The following NR4A1 variants were observed in gnomAD, a reference collection of about 807,000 sequenced individuals.
NR4A1 encodes the protein nuclear receptor subfamily 4immunitygroup A member 1.
NR4A1 carries 24 observed loss-of-function variants against 47.5 expected under a neutral mutation model. The observed-to-expected ratio is 0.50, with a 90% CI of 0.37 to 0.71. NR4A1 has a LOEUF of 0.71. Ranked by LOEUF, NR4A1 falls within the 30% of genes least tolerant of loss-of-function variation. The pLI is 0.00. For missense variants in NR4A1, 669 were observed against 788.6 expected, an observed-to-expected ratio of 0.85 and a Z score of 1.82; for synonymous variants, 353 against 345.7, an observed-to-expected ratio of 1.02 and a Z score of -0.24.
rs368219514 is a variant in NR4A1 at position 52,057,243 on chromosome 12, C to T, written c.1345C>T (p.Leu449Phe). ...GTCGGCCTTCCTGGAGCTCTTCATCCTCCGCCTGGCGTACAGGTGAGAGCC... is the reference window on the plus strand; with the variant it reads ...GTCGGCCTTCCTGGAGCTCTTCATCTTCCGCCTGGCGTACAGGTGAGAGCC... ...LESAFLELFI[L>F]RLAYRSKPGE... The change falls in exon 5 of 7, where the codon CTC (leucine) becomes TTC (phenylalanine). Residue 449 changes from leucine (L) to phenylalanine (F), a missense_variant. Physicochemically the swap from Leu to Phe is conservative, Grantham distance 22 (BLOSUM62 0). Transcript: ENST00000394825. 8 of 1,613,684 alleles carry T rather than the reference C, an allele frequency of 5.0e-6. No homozygotes were observed. The African/African-American group carries it at 6.7e-5, about 13-fold the overall frequency.
chr12:52,039,551 G>C (rs895599507), intron 1 of NR4A1, among the ~76,000 whole-genome samples: 1 of 152,222 alleles, frequency 6.6e-6, no homozygotes, highest in Non-Finnish European at 1.5e-5. Flanking sequence ...GACAGCTCCT[G>C]AGCTGGAATG....
chr12:52,039,203 G>A (rs1241354966), intron 1 of NR4A1, among the ~76,000 whole-genome samples: 1 of 152,194 alleles, frequency 6.6e-6, no homozygotes, highest in African/African-American at 2.4e-5. Context: ...TAATGTATCT[G>A]GCACATGTTG....
intron 1 of NR4A1, among the ~76,000 whole-genome samples, chr12:52,026,609 T>C (rs926940158): frequency 2.0e-5 from 3 of 152,212 alleles, no homozygotes; most frequent in African/African-American, 4.8e-5. Context: ...CAAGGCCACA[T>C]AGATAGACAG....
chr12:52,046,235 C>T (rs971140005), intron 2 of NR4A1, among the ~76,000 whole-genome samples: 49 of 152,216 alleles, frequency 3.2e-4, no homozygotes, highest in Admixed American at 2.7e-3. Flanking sequence ...CACCCCTACC[C>T]TCTGGGCTGG....
rs115565314 is a variant in NR4A1, at chr12:52,042,455, C to T, written c.37+526C>T. On this transcript the variant is annotated intron_variant, in intron 2 of 7. Transcript: ENST00000360284. The stretch of plus-strand genomic sequence containing the variant: ...AGAGGGCCTATGGAGTCTGTGGTGT[C>T]GGGGGTGGCCTCTGTGAATGGGAAG... 7.4e-3 allele frequency among the ~76,000 whole-genome samples: 1,123 copies of T among 152,186 alleles called. 21 individuals carry two copies. Among genetic ancestry groups the T allele is most frequent in the African/African-American group, 0.026 (1,069 of 41,526 alleles).
rs1236585728 is a variant in NR4A1, at chr12:52,052,752, G to T, written c.-3+1184G>T. On this transcript the variant is annotated intron_variant, in intron 1 of 6. Transcript: ENST00000394825. The stretch of plus-strand genomic sequence containing the variant: ...GGTGGAGAAACAGGATTTGAATAAG[G>T]CAGGAACAAGCGCCCAGTTCTGCCC... 3 of 756,892 alleles carry T rather than the reference G, an allele frequency of 4.0e-6. No individual in the cohort carries two copies. The East Asian group carries it at 3.9e-4, about 98-fold the overall frequency. The allele number at this position is 756,892 out of a possible 1,614,324, so 46.9% of individuals were successfully genotyped here. A position where few individuals can be genotyped will look rare whatever the true frequency, so the allele number is the denominator to read the frequency against.
intron 2 of NR4A1, 171 bp from the exon 3 acceptor site, chr12:52,055,859 C>T: frequency 2.1e-6 from 1 of 469,330 alleles, no homozygotes. Context: ...TTCTCTCCCC[C>T]CGCCCAACCC....
intron 1 of NR4A1, among the ~76,000 whole-genome samples, chr12:52,030,648 C>T (rs1375481088): frequency 6.6e-6 from 1 of 152,168 alleles, no homozygotes; most frequent in Non-Finnish European, 1.5e-5. Context: ...AGTCTGGTCT[C>T]GAACTCCTGA....
intron 1 of NR4A1, among the ~76,000 whole-genome samples, chr12:52,032,893 C>T (rs1390985525): frequency 6.6e-6 from 1 of 152,144 alleles, no homozygotes. Context: ...GGCGAGCCCC[C>T]AAACCAGCAC....
At chr12:52,046,553 A>G (rs1017914171), upstream of NR4A1, among the ~76,000 whole-genome samples, 2 of 152,244 alleles carry the variant, frequency 1.3e-5, no homozygotes, top group African/African-American at 2.4e-5. Context: ...ATCTGTTGAT[A>G]GAACAAATAC....
At chr12:52,024,599 C>T (rs575726054) in intron 1 of NR4A1, among the ~76,000 whole-genome samples, 3 of 152,170 alleles carry the variant, frequency 2.0e-5, no homozygotes, top group African/African-American at 7.2e-5. Context: ...ATGGGAGGCT[C>T]GCTTGAATCC....
chr12:52,041,795 A>T, intron 1 of NR4A1: 1 of 1,320,140 alleles, frequency 7.6e-7, no homozygotes, highest in South Asian at 2.4e-5. Context: ...ACTCACATCG[A>T]CTCTCCCTCT....
chr12:52,055,854 T>TCCCC (rs200850180), intron 2 of NR4A1, 176 bp from the exon 3 acceptor site: 14 of 450,602 alleles, frequency 3.1e-5, no homozygotes, highest in African/African-American at 2.8e-4. Context: ...GACTTTTCTC[T>TCCCC]CCCCCCGCCC....
chr12:52,035,824 GGA>G (rs1565640218), intron 1 of NR4A1, among the ~76,000 whole-genome samples: 1 of 152,098 alleles, frequency 6.6e-6, no homozygotes, highest in Non-Finnish European at 1.5e-5. Context: ...GCAGTGGGGT[GGA>G]GAGAGGAATG....
chr12:52,044,223 C>T (rs773894470), intron 2 of NR4A1, among the ~76,000 whole-genome samples: 15 of 152,218 alleles, frequency 9.9e-5, no homozygotes, highest in Non-Finnish European at 1.8e-4. Flanking sequence ...CTGGTCACTG[C>T]GGCGAGTTTG....
chr12:52,037,822 G>C (rs879914478), intron 1 of NR4A1: 216 of 985,350 alleles, frequency 2.2e-4, no homozygotes, highest in Admixed American at 5.5e-4. Context: ...TCGAGGGACT[G>C]AGTCAAGAAA....
At chr12:52,052,723 T>C in intron 1 of NR4A1, 2 of 923,754 alleles carry the variant, frequency 2.2e-6, no homozygotes, top group Non-Finnish European at 2.6e-6. Context: ...ATGTGGGACG[T>C]CCAGGTGGAG....
chr12:52,055,326 G>T (rs1400065923), intron 2 of NR4A1, 122 bp downstream of exon 2: 1 of 1,332,700 alleles, frequency 7.5e-7, no homozygotes, highest in Admixed American at 2.2e-5. Flanking sequence ...TGCAGGGTGG[G>T]ATCAGCCCTG....
chr12:52,055,122 G>T lies in NR4A1; in HGVS notation c.794G>T (p.Gly265Val), dbSNP rs1425738013. The T allele has an allele frequency of 1.2e-6, 2 of 1,614,082 alleles. No homozygotes were observed. Among genetic ancestry groups the T allele is most frequent in the South Asian group, 1.1e-5 (1 of 91,092 alleles). The change falls in exon 2 of 7, where the codon GGC becomes GTC. Residue 265 changes from glycine to valine, a missense_variant. By Grantham distance (109) the Gly-to-Val change is moderately radical. Transcript: ENST00000394825. ...AGCGGGGCCCCAGGTGGAAGTGAAG[G>T]CCGCTGTGCTGTGTGTGGGGACAAC... The part of the protein sequence containing the change: ...ARSGAPGGSE[G>V]RCAVCGDNAS...
Sources: gnomAD v4.1 joint callset for allele counts (sites outside exome capture counted in the v4.1 genomes callset) on GRCh38, gnomAD v4.1.1 for gene constraint, MANE v1.5 for transcripts, NCBI Gene and HGNC (gene_info 2026-07-23, HGNC 2026-07-21) for gene names.